Variants in CYP11B1 observed in about 807,000 individuals in gnomAD.
CYP11B1 encodes the protein cytochrome P450 family 11 subfamily B member 1.
Under a neutral mutation model 48.3 loss-of-function variants are expected in CYP11B1, and 34 were observed. The ratio of observed to expected loss-of-function variants is 0.70; its 90% CI spans 0.54 to 0.94. The LOEUF is 0.94. CYP11B1 is among the 40% of genes least tolerant of loss of function. The pLI is 0.00. For synonymous variants in CYP11B1, 291 were observed against 262.5 expected (o/e 1.11, Z -1.05); for missense variants, 688 against 657.4 (o/e 1.05, Z -0.51).
intron 5 of CYP11B1, 94 bp from the exon 6 acceptor site, chr8:142,875,972 G>C: frequency 6.7e-7 from 1 of 1,486,948 alleles, no homozygotes; most frequent in Non-Finnish European, 9.4e-7. Context: ...GAGGGGTGCA[G>C]ACATGCATAC....
At chr8:142,877,577 C>G (rs1002286264) in intron 2 of CYP11B1, among the ~76,000 whole-genome samples, 2 of 152,172 alleles carry the variant, frequency 1.3e-5, no homozygotes, top group African/African-American at 4.8e-5. Context: ...GGAACTGACC[C>G]CTGTTGTCAA....
At chr8:142,878,932 C>T in intron 2 of CYP11B1, 100 bp downstream of exon 2, 1 of 1,537,920 alleles carries the variant, frequency 6.5e-7, no homozygotes, top group Non-Finnish European at 8.8e-7. Flanking sequence ...CTGCCCACCA[C>T]AGGGGCCCAG....
chr8:142,874,234 GA>G lies in CYP11B1; in HGVS notation c.*138del, dbSNP rs1816864289. On this transcript the variant is annotated 3_prime_UTR_variant, in exon 9 of 9. Transcript: ENST00000292427. ...AAACCCTGGTCCTAGAGGCCCTCGG[GA>G]GTTCCATTTGTGCTGGGGCTGGTTA... The G allele has an allele frequency of 1.4e-6, 1 of 722,064 alleles. No individual in the cohort carries two copies. Among genetic ancestry groups the G allele is most frequent in the African/African-American group, 1.7e-5 (1 of 57,998 alleles). The allele number at this position is 722,064 out of a possible 1,614,324, so 44.7% of individuals were successfully genotyped here. A position where few individuals can be genotyped will look rare whatever the true frequency, so the allele number is the denominator to read the frequency against.
intron 2 of CYP11B1, chr8:142,877,937 C>G: frequency 1.1e-6 from 1 of 898,976 alleles, no homozygotes. Flanking sequence ...CATGCAAGAC[C>G]TCAACACCAT....
chr8:142,876,412 AGG>A lies in CYP11B1; in HGVS notation c.800-19_800-18del. On this transcript the variant is annotated intron_variant, in intron 4 of 8. Coordinates refer to ENST00000292427, the MANE Select transcript of CYP11B1 (RefSeq NM_000497.4). ...AGTTGTCGCCTATCCGGGGAGCGGG[AGG>A]CAGCCCTCAGACTTTGGTGCTGGGA... 1 of 1,610,482 alleles carries A rather than the reference AGG, an allele frequency of 6.2e-7. No homozygotes were observed. Among genetic ancestry groups the A allele is most frequent in the African/African-American group, 1.3e-5 (1 of 74,842 alleles).
chr8:142,876,272 G>C lies in CYP11B1; in HGVS notation c.923C>G (p.Ser308Cys), dbSNP rs770295234. 6 of 1,614,252 alleles carry C rather than the reference G, an allele frequency of 3.7e-6. No individual in the cohort carries two copies. The highest frequency in any genetic ancestry group is 1.1e-5 in the South Asian group (1 of 91,086). ...CACGCTCCCTGCAGTGAGTTCCATA[G>C]AGTTGGCCTTGATGGCATCTGGCGA... ...ELSPDAIKAN[S>C]MELTAGSVDT... Residue 308 changes from serine to cysteine, a missense_variant, in exon 5 of 9, where the codon TCT becomes TGT. Ser to Cys is a moderately radical substitution (Grantham distance 112, BLOSUM62 -1). Transcript: ENST00000292427.
Position 142,875,230 on chromosome 8 carries a change from T to TCA in CYP11B1, c.1200+2_1200+3dup, listed in dbSNP as rs989804021. On this transcript the variant is annotated splice_donor_region_variant and intron_variant, in intron 7 of 8. Coordinates refer to ENST00000292427, the MANE Select transcript of CYP11B1 (RefSeq NM_000497.4). ...TCAGCTCGAGGGGTGTGGGGCTCAC[T>TCA]CACCCCAGCTGGGATGTGGTAGTTC... is the stretch of plus-strand genomic sequence containing the variant. The TCA allele has an allele frequency of 6.2e-7, 1 of 1,613,876 alleles. No individual in the cohort carries two copies. The highest frequency in any genetic ancestry group is 8.5e-7 in the Non-Finnish European group (1 of 1,179,958).
intron 5 of CYP11B1, 85 bp downstream of exon 5, chr8:142,876,156 T>C (rs1438108664): frequency 3.2e-6 from 5 of 1,571,362 alleles, no homozygotes; most frequent in African/African-American, 1.4e-5. Context: ...ATGGGACACG[T>C]GGGCGCCGTG....
rs1352070101 is a variant in CYP11B1, at chr8:142,877,235, G to A, written c.396-13C>T. 3.1e-6 allele frequency: 5 copies of A among 1,606,398 alleles called. No homozygotes were observed. Among genetic ancestry groups the A allele is most frequent in the Non-Finnish European group, 4.2e-6 (5 of 1,176,684 alleles). Reference sequence around the variant, plus strand: ...TTCAGGCCCATTCCTACAGAGGCCAGGGCAGAGCTTGTGAGGCCGCCCCAG... The same window carrying A: ...TTCAGGCCCATTCCTACAGAGGCCAAGGCAGAGCTTGTGAGGCCGCCCCAG... On this transcript the variant is annotated splice_polypyrimidine_tract_variant and intron_variant, in intron 2 of 8. Transcript: ENST00000292427.
At chr8:142,875,417 G>A in intron 6 of CYP11B1, 105 bp from the exon 7 acceptor site, 1 of 1,371,596 alleles carries the variant, frequency 7.3e-7, no homozygotes, top group Non-Finnish European at 1.0e-6. Context: ...AGATCCATGG[G>A]AAGCCCAGGT....
At chr8:142,878,000 C>G (rs1032927470) in intron 2 of CYP11B1, among the ~76,000 whole-genome samples, 2 of 152,092 alleles carry the variant, frequency 1.3e-5, no homozygotes, top group African/African-American at 4.8e-5. Context: ...CATGCCGGCA[C>G]CTGCACATGC....
In CYP11B1 at chr8:142,874,070, A is replaced by G; in HGVS notation, c.*303T>C. 2.1e-6 allele frequency: 1 copy of G among 473,238 alleles called. No homozygotes were observed. Among genetic ancestry groups the G allele is most frequent in the Non-Finnish European group, 3.9e-6 (1 of 256,726 alleles). 29.3% of individuals were successfully genotyped at this position (473,238 alleles called of 1,614,324 possible). On this transcript the variant is annotated 3_prime_UTR_variant, in exon 9 of 9. Transcript: ENST00000292427. ...AGCACCCTTGTATGGCCACACGAGG[A>G]GCCTGGAGCCAGCACTGGGAGGGAT...
At position 142,874,534 on chromosome 8, in the gene CYP11B1, A is replaced by G. The variant is rs760503250; in HGVS notation, c.1399-48T>C. 3.1e-6 allele frequency: 4 copies of G among 1,301,358 alleles called. No homozygotes were observed. In the South Asian group the frequency reaches 4.7e-5, roughly 15 times the overall value. 80.6% of individuals were successfully genotyped at this position (1,301,358 alleles called of 1,614,324 possible). A position where few individuals can be genotyped will look rare whatever the true frequency, so the allele number is the denominator to read the frequency against. ...ATCTGGCTTGGTCCGCAGCCCATGCACGTGGTGCAGCCTTCTCAGACCCTC... is the reference window on the plus strand; with the variant it reads ...ATCTGGCTTGGTCCGCAGCCCATGCGCGTGGTGCAGCCTTCTCAGACCCTC... On this transcript the variant is annotated intron_variant, in intron 8 of 8. Transcript: ENST00000292427.
rs373778481 is a variant in CYP11B1 at position 142,879,160 on chromosome 8, C to T, written c.267G>A (p.Val89=). 2.7e-5 allele frequency: 43 copies of T among 1,613,856 alleles called. No homozygotes were observed. Among genetic ancestry groups the T allele is most frequent in the Non-Finnish European group, 3.5e-5 (41 of 1,179,892 alleles). Residue 89 remains valine (V), a synonymous_variant, in exon 2 of 9, where the codon GTG becomes GTA. Transcript: ENST00000292427. ...CCACGTCCTCCGGCAGCATCACACACACCATGCCTGCTCCTCCCAAGTCGT... is the reference window on the plus strand; with the variant it reads ...CCACGTCCTCCGGCAGCATCACACATACCATGCCTGCTCCTCCCAAGTCGT... ...FRYDLGGAGM[V]CVMLPEDVEK... is the part of the protein sequence containing the mutation.
Position 142,874,737 on chromosome 8 carries a change from A to G in CYP11B1, c.1398+220T>C, listed in dbSNP as rs868804977. On this transcript the variant is annotated intron_variant, in intron 8 of 8. Transcript: ENST00000292427. ...CCCCAGTTCCCACCTGACCCGGTTT[A>G]GCAGCAACCTCACCCAGATGGTACG... 2.6e-5 allele frequency among the ~76,000 whole-genome samples: 4 copies of G among 152,202 alleles called. No individual in the cohort carries two copies. In the Middle Eastern group the frequency reaches 0.01, roughly 388 times the overall value.
In CYP11B1 at chr8:142,875,896, G is replaced by A; in HGVS notation, c.955-18C>T. ...AACACCGTCTGCAGGAGACACAGCT[G>A]CAGGGTCAGACCTTGCACAGGAGGA... On this transcript the variant is annotated intron_variant, in intron 5 of 8. Coordinates refer to ENST00000292427, the MANE Select transcript of CYP11B1 (RefSeq NM_000497.4). 1 of 1,614,074 alleles carries A rather than the reference G, an allele frequency of 6.2e-7. No individual in the cohort carries two copies. Among genetic ancestry groups the A allele is most frequent in the Non-Finnish European group, 8.5e-7 (1 of 1,179,978 alleles).
chr8:142,877,549 G>A (rs1817001389), intron 2 of CYP11B1, among the ~76,000 whole-genome samples: 1 of 152,086 alleles, frequency 6.6e-6, no homozygotes, highest in African/African-American at 2.4e-5. Flanking sequence ...GTAGGGGGGA[G>A]GGATTTTCTG....
intron 6 of CYP11B1, 178 bp from the exon 7 acceptor site, chr8:142,875,490 C>T (rs1220520431): frequency 1.9e-5 from 20 of 1,054,866 alleles, no homozygotes; most frequent in East Asian, 1.3e-4. Context: ...TAAGCAGCCC[C>T]GAGCGCAGAA....
At chr8:142,874,821 T>C in intron 8 of CYP11B1, 136 bp downstream of exon 8, 8 of 1,131,132 alleles carry the variant, frequency 7.1e-6, no homozygotes, top group Non-Finnish European at 1.0e-5. Flanking sequence ...GCCCAGGTTC[T>C]CCCAGTACCG....
Sources: gnomAD v4.1 joint callset for allele counts (sites outside exome capture counted in the v4.1 genomes callset) on GRCh38, gnomAD v4.1.1 for gene constraint, MANE v1.5 for transcripts, NCBI Gene and HGNC (gene_info 2026-07-23, HGNC 2026-07-21) for gene names.